The following ILDR1 variants were observed in gnomAD, a reference collection of about 807,000 sequenced individuals.
The protein encoded by ILDR1 is immunoglobulin like domain containing receptor 1.
A neutral mutation model predicts 62.4 loss-of-function variants in ILDR1; 56 were observed. That is an observed-to-expected ratio of 0.90 (90% CI 0.72 to 1.12). The LOEUF (loss-of-function observed/expected upper bound fraction) is 1.12, where lower values mean the gene tolerates loss of function less well. Ranked by LOEUF, ILDR1 falls within the 50% of genes most tolerant of loss-of-function variation. The pLI is 0.00. For missense variants in ILDR1, 736 were observed against 710.6 expected, an observed-to-expected ratio of 1.04 and a Z score of -0.41; for synonymous variants, 284 against 277.8, an observed-to-expected ratio of 1.02 and a Z score of -0.22.
At chr3:122,022,310 C>G (rs1404111018), upstream of ILDR1, 5 of 435,544 alleles carry the variant, frequency 1.1e-5, no homozygotes, top group Non-Finnish European at 2.0e-5. Context: ...CCGCCGTTTC[C>G]TGCTCCGCCC....
chr3:122,044,681 C>G, the ILDR1 span, among the ~76,000 whole-genome samples: 1 of 150,980 alleles, frequency 6.6e-6, no homozygotes, highest in East Asian at 1.9e-4. Context: ...TCCATTTCTT[C>G]TAGATTTTCT....
chr3:122,002,313 T>A (rs564911625), intron 3 of ILDR1, among the ~76,000 whole-genome samples: 3 of 152,140 alleles, frequency 2.0e-5, no homozygotes, highest in African/African-American at 4.8e-5. Context: ...ACAATGCTCA[T>A]CAGAGGTAGG....
the ILDR1 span, among the ~76,000 whole-genome samples, chr3:122,041,665 G>T: frequency 6.6e-6 from 1 of 152,046 alleles, no homozygotes; most frequent in Non-Finnish European, 1.5e-5. Flanking sequence ...AAATTTTGGT[G>T]CTATTATAAA....
the ILDR1 span, among the ~76,000 whole-genome samples, chr3:122,043,385 A>G: frequency 3.2e-4 from 44 of 138,764 alleles, no homozygotes; most frequent in Non-Finnish European, 5.9e-4. Flanking sequence ...CTTAGGATTG[A>G]CTTGGCGATG....
chr3:121,993,372 G>A lies in ILDR1; in HGVS notation c.1377C>T (p.His459=), dbSNP rs201105694. The A allele has an allele frequency of 1.7e-4, 267 of 1,610,868 alleles. 3 individuals carry two copies. The highest frequency in any genetic ancestry group is 2.8e-4 in the African/African-American group (21 of 74,992). Residue 459 remains histidine (H), a synonymous_variant, in exon 7 of 8, where the codon CAC becomes CAT. Transcript: ENST00000344209. ...RPSPRESTQR[H]GRRRRHRSYS... is the part of the protein sequence containing the mutation. Reference sequence around the variant, plus strand: ...AGCTGCGGTGCCTGCGTCGTCTCCCGTGCCTCTGAGTGCTCTCCCGGGGGC... The same window carrying A: ...AGCTGCGGTGCCTGCGTCGTCTCCCATGCCTCTGAGTGCTCTCCCGGGGGC...
chr3:122,009,638 T>C (rs1468239407), intron 1 of ILDR1, among the ~76,000 whole-genome samples: 1 of 152,012 alleles, frequency 6.6e-6, no homozygotes, highest in Non-Finnish European at 1.5e-5. Flanking sequence ...GAGGTTGGAG[T>C]TGGGGTTTTC....
At chr3:121,998,171 C>T (rs1050427612) in intron 5 of ILDR1, among the ~76,000 whole-genome samples, 76 of 152,280 alleles carry the variant, frequency 5.0e-4, no homozygotes, top group Middle Eastern at 3.4e-3. Context: ...CTTTCCCTTC[C>T]GCTCCCTTTC....
chr3:122,029,761 A>G, the ILDR1 span, among the ~76,000 whole-genome samples: 2 of 152,158 alleles, frequency 1.3e-5, no homozygotes, highest in African/African-American at 4.8e-5. Flanking sequence ...ATCATTATAA[A>G]TATTTTAAAG....
rs367565247 is a variant in ILDR1, at chr3:121,993,258, G to A, written c.1491C>T (p.Arg497=). ...RQPQSWRAHR[R]GSHSPHWPEE... Reference sequence around the variant, plus strand: ...CGGGCCAGTGTGGGGAGTGCGAGCCGCGGCGGTGGGCCCGCCAGCTCTGGG... The same window carrying A: ...CGGGCCAGTGTGGGGAGTGCGAGCCACGGCGGTGGGCCCGCCAGCTCTGGG... The change falls in exon 7 of 8, where the codon CGC becomes CGT. Residue 497 remains arginine (R), a synonymous_variant. Transcript: ENST00000344209. 97 of 1,613,432 alleles carry A rather than the reference G, an allele frequency of 6.0e-5. No homozygotes were observed. In the East Asian group the frequency reaches 9.6e-4, roughly 16 times the overall value.
At chr3:122,042,747 C>A in the ILDR1 span, among the ~76,000 whole-genome samples, 2 of 152,032 alleles carry the variant, frequency 1.3e-5, no homozygotes, top group African/African-American at 4.8e-5. Context: ...CCTTCGCCCA[C>A]TTTTTGATGG....
At chr3:122,022,265 G>T, upstream of ILDR1, 1 of 507,156 alleles carries the variant, frequency 2.0e-6, no homozygotes, top group Non-Finnish European at 3.4e-6. Flanking sequence ...CCCCACCTGC[G>T]GCGCTCCCCA....
chr3:122,059,549 A>G, the ILDR1 span, among the ~76,000 whole-genome samples: 1 of 152,066 alleles, frequency 6.6e-6, no homozygotes, highest in East Asian at 2.0e-4. Context: ...AAAAAAAAAA[A>G]AAGAAAGAAA....
Position 122,007,439 on chromosome 3 carries a change from A to G in ILDR1, c.59-278T>C, listed in dbSNP as rs112359069. 1,520 of 509,888 alleles carry G rather than the reference A, an allele frequency of 3.0e-3. 17 individuals are homozygous for G. The highest frequency in any genetic ancestry group is 0.025 in the African/African-American group (1,273 of 51,934). 31.6% of individuals were successfully genotyped at this position (509,888 alleles called of 1,614,324 possible). A position where few individuals can be genotyped will look rare whatever the true frequency, so the allele number is the denominator to read the frequency against. On this transcript the variant is annotated intron_variant, in intron 1 of 7. Transcript: ENST00000344209. ...GTGATGACATATCCAACAACAATAT[A>G]AGGATTGTATCAAAATAAAGCCACA...
At chr3:122,051,131 T>G in the ILDR1 span, among the ~76,000 whole-genome samples, 1 of 152,328 alleles carries the variant, frequency 6.6e-6, no homozygotes, top group Admixed American at 6.5e-5. Flanking sequence ...GTTCATCTTA[T>G]TTAGGCCTAT....
intron 4 of ILDR1, 88 bp downstream of exon 4, chr3:122,001,657 C>A: frequency 1.3e-6 from 2 of 1,554,646 alleles, no homozygotes; most frequent in Non-Finnish European, 8.8e-7. Flanking sequence ...CTTAGGCTTG[C>A]TTATTTCTGG....
intron 5 of ILDR1, among the ~76,000 whole-genome samples, chr3:121,995,767 T>C (rs1341752839): frequency 6.6e-6 from 1 of 152,178 alleles, no homozygotes; most frequent in African/African-American, 2.4e-5. Context: ...TGCCCAGCCT[T>C]ATACATGTAA....
the ILDR1 span, among the ~76,000 whole-genome samples, chr3:122,035,683 A>G: frequency 6.6e-6 from 1 of 152,220 alleles, no homozygotes; most frequent in South Asian, 2.1e-4. Context: ...TTTGCCTTCC[A>G]CCATGATTGT....
chr3:122,059,135 A>T, the ILDR1 span, among the ~76,000 whole-genome samples: 2 of 152,144 alleles, frequency 1.3e-5, no homozygotes, highest in Non-Finnish European at 2.9e-5. Context: ...CAAGCAGACA[A>T]GTAGATATTT....
chr3:122,016,672 G>A (rs1027437202), intron 1 of ILDR1, among the ~76,000 whole-genome samples: 1 of 152,230 alleles, frequency 6.6e-6, no homozygotes, highest in Non-Finnish European at 1.5e-5. Context: ...TTCAAACAAA[G>A]AGCTTTAGCC....
Sources: gnomAD v4.1 joint callset for allele counts (sites outside exome capture counted in the v4.1 genomes callset) on GRCh38, gnomAD v4.1.1 for gene constraint, MANE v1.5 for transcripts, NCBI Gene and HGNC (gene_info 2026-07-23, HGNC 2026-07-21) for gene names.